XKR3: variants seen among roughly 807,000 people sequenced by gnomAD.
XKR3 encodes the protein XK-related protein 3.
XKR3 carries 27 observed loss-of-function variants against 40.3 expected under a neutral mutation model. That is an observed-to-expected ratio of 0.67 (90% CI 0.49 to 0.92). The LOEUF is 0.92. XKR3 is among the 40% of genes least tolerant of loss of function. XKR3 has a pLI of 0.00. For synonymous variants in XKR3, 193 were observed against 195.4 expected (o/e 0.99, Z 0.10); for missense variants, 472 against 537.6 (o/e 0.88, Z 1.21).
rs35747328 is a variant in XKR3, at chr22:16,790,246, A to AT, written c.590-5838dup. On this transcript the variant is annotated intron_variant, in intron 3 of 3. Transcript: ENST00000684488. ...CTTAATGACCTTGGTCTGGGCAAGG[A>AT]TTTTTTTTTTTTTTTTGGATAAGAC... 1.2e-4 allele frequency among the ~76,000 whole-genome samples: 17 copies of AT among 138,228 alleles called. No individual in the cohort carries two copies. In the East Asian group the frequency reaches 1.4e-3, roughly 12 times the overall value. 90.7% of individuals were successfully genotyped at this position (138,228 alleles called of 152,430 possible). A position where few individuals can be genotyped will look rare whatever the true frequency, so the allele number is the denominator to read the frequency against.
At chr22:16,795,882 G>T (rs1035774260) in intron 3 of XKR3, among the ~76,000 whole-genome samples, 2 of 152,080 alleles carry the variant, frequency 1.3e-5, no homozygotes, top group African/African-American at 4.8e-5. Flanking sequence ...CATGAGAATT[G>T]CTTGAACCTG....
At chr22:16,824,720 T>A (rs1239514699) in intron 1 of XKR3, among the ~76,000 whole-genome samples, 1 of 152,180 alleles carries the variant, frequency 6.6e-6, no homozygotes, top group African/African-American at 2.4e-5. Context: ...TAATGCAGAT[T>A]GCACCTTTCT....
intron 2 of XKR3, among the ~76,000 whole-genome samples, chr22:16,803,473 G>A (rs12627911): frequency 0.18 from 27,655 of 152,120 alleles, 2,960 homozygotes; most frequent in East Asian, 0.28. Flanking sequence ...AACACACTGG[G>A]CTGCATTCCC....
intron 2 of XKR3, among the ~76,000 whole-genome samples, chr22:16,805,577 G>C (rs1373219128): frequency 6.6e-6 from 1 of 151,922 alleles, no homozygotes; most frequent in African/African-American, 2.4e-5. Flanking sequence ...CACAATATTT[G>C]GCAGAAACAA....
Position 16,809,697 on chromosome 22 carries a change from G to A in XKR3, c.-10-1614C>T, listed in dbSNP as rs150706208. On this transcript the variant is annotated intron_variant, in intron 1 of 3. Coordinates refer to ENST00000684488, the MANE Select transcript of XKR3 (RefSeq NM_001386955.1). ...AACCAGTCAGGCTTTCATCCCCAACGGTCCACCAAAAGTACTATATTTAAC... is the reference window on the plus strand; with the variant it reads ...AACCAGTCAGGCTTTCATCCCCAACAGTCCACCAAAAGTACTATATTTAAC... 6.2e-4 allele frequency among the ~76,000 whole-genome samples: 95 copies of A among 152,026 alleles called. 2 individuals carry two copies. The highest frequency in any genetic ancestry group is 2.1e-3 in the African/African-American group (89 of 41,454).
chr22:16,799,905 G>C lies in XKR3; in HGVS notation c.455C>G (p.Ser152Ter). ...NTMLEREIAFSIRDNFMQQKA... is the reference protein window; with the variant it reads ...NTMLEREIAF ...CTGCTGCATGAAATTATCCCGGATT[G>C]AGAATGCAATCTCCCTTTCCAGCAT... The change falls in exon 3 of 4, where the codon TCA becomes TGA. Residue 152 changes from serine (S) to a stop codon, truncating the protein, a stop_gained. Coordinates refer to ENST00000684488, the MANE Select transcript of XKR3 (RefSeq NM_001386955.1). LOFTEE classifies it high-confidence loss of function. 4 of 1,614,098 alleles carry C rather than the reference G, an allele frequency of 2.5e-6. No homozygotes were observed. Among genetic ancestry groups the C allele is most frequent in the Non-Finnish European group, 3.4e-6 (4 of 1,180,008 alleles).
chr22:16,787,637 T>A (rs1332770422), intron 3 of XKR3, among the ~76,000 whole-genome samples: 4 of 151,264 alleles, frequency 2.6e-5, no homozygotes, highest in South Asian at 2.1e-4. Context: ...CAACAAAAAA[T>A]TTTCCAAATC....
Position 16,783,890 on chromosome 22 carries a change from A to G in XKR3, c.1109T>C (p.Leu370Ser). 1.2e-6 allele frequency: 2 copies of G among 1,614,220 alleles called. No individual in the cohort carries two copies. Among genetic ancestry groups the G allele is most frequent in the Non-Finnish European group, 1.7e-6 (2 of 1,180,038 alleles). Reference sequence around the variant, plus strand: ...AATTAATGAGTCACAACAATTCAGCAAAGTTTTCCCTCCAAAGAACCTAAA... The same window carrying G: ...AATTAATGAGTCACAACAATTCAGCGAAGTTTTCCCTCCAAAGAACCTAAA... ...LVFRFFGGKT[L>S]LNCCDSLIAV... is the part of the protein sequence containing the mutation. The change falls in exon 4 of 4, where the codon TTG (leucine) becomes TCG (serine). Residue 370 changes from leucine (L) to serine (S), a missense_variant. Transcript: ENST00000684488.
intron 3 of XKR3, among the ~76,000 whole-genome samples, chr22:16,787,323 C>A (rs1314384231): frequency 6.6e-6 from 1 of 151,952 alleles, no homozygotes; most frequent in African/African-American, 2.4e-5. Flanking sequence ...ATTTGGGAGG[C>A]GGAGGCGGGT....
chr22:16,800,061 T>C (rs781586047), intron 2 of XKR3, 37 bp from the exon 3 acceptor site: 7 of 1,597,250 alleles, frequency 4.4e-6, no homozygotes, highest in South Asian at 1.1e-5. Context: ...TTAACATTTA[T>C]TGGTGACAGA....
At chr22:16,788,328 T>A (rs1199531676) in intron 3 of XKR3, among the ~76,000 whole-genome samples, 1 of 151,734 alleles carries the variant, frequency 6.6e-6, no homozygotes, top group Non-Finnish European at 1.5e-5. Context: ...AATGTCTTCA[T>A]CAAAAAGAAG....
At chr22:16,822,730 G>A (rs1325054841) in intron 1 of XKR3, among the ~76,000 whole-genome samples, 1 of 152,160 alleles carries the variant, frequency 6.6e-6, no homozygotes, top group East Asian at 1.9e-4. Flanking sequence ...AGTTGTTCTG[G>A]TTAGCAGTAC....
chr22:16,786,256 G>GGACACACACACACA (rs111242471), intron 3 of XKR3, among the ~76,000 whole-genome samples: 1 of 148,596 alleles, frequency 6.7e-6, no homozygotes, highest in Non-Finnish European at 1.5e-5. Context: ...CAAAACGCGT[G>GGACACACACACACA]CACACACACA....
At chr22:16,806,675 T>C (rs2060191148) in intron 2 of XKR3, among the ~76,000 whole-genome samples, 2 of 152,072 alleles carry the variant, frequency 1.3e-5, no homozygotes, top group African/African-American at 4.8e-5. Context: ...TGACCTCAAA[T>C]GATCCGCCTG....
chr22:16,790,007 C>T (rs1277367774), intron 3 of XKR3, among the ~76,000 whole-genome samples: 5 of 152,054 alleles, frequency 3.3e-5, no homozygotes, highest in Non-Finnish European at 5.9e-5. Context: ...AGTGCAGTGG[C>T]GTGTACCTAT....
chr22:16,816,112 G>C (rs2060232109), intron 1 of XKR3, among the ~76,000 whole-genome samples: 1 of 151,706 alleles, frequency 6.6e-6, no homozygotes, highest in African/African-American at 2.4e-5. Context: ...TCCAGTGTTA[G>C]AGTATTTAAT....
intron 3 of XKR3, among the ~76,000 whole-genome samples, chr22:16,798,773 T>C (rs2060153708): frequency 6.6e-6 from 1 of 152,162 alleles, no homozygotes; most frequent in East Asian, 1.9e-4. Flanking sequence ...ACCAAATAGA[T>C]TTATTACTCA....
intron 1 of XKR3, among the ~76,000 whole-genome samples, chr22:16,819,673 A>G (rs1400293759): frequency 6.6e-6 from 1 of 152,176 alleles, no homozygotes; most frequent in Admixed American, 6.6e-5. Flanking sequence ...TTTAAAAAAT[A>G]ATAAAGAAAA....
chr22:16,797,624 C>T (rs1192957266), intron 3 of XKR3, among the ~76,000 whole-genome samples: 1 of 151,466 alleles, frequency 6.6e-6, no homozygotes, highest in Admixed American at 6.6e-5. Flanking sequence ...AACCCCGTCT[C>T]TACTAAAAAT....
Sources: gnomAD v4.1 joint callset for allele counts (sites outside exome capture counted in the v4.1 genomes callset) on GRCh38, gnomAD v4.1.1 for gene constraint, MANE v1.5 for transcripts, NCBI Gene and HGNC (gene_info 2026-07-23, HGNC 2026-07-21) for gene names.